Variants in RHPN2 observed in about 807,000 individuals in gnomAD.
The protein encoded by RHPN2 is rhophilin Rho GTPase binding protein 2.
A neutral mutation model predicts 79.0 loss-of-function variants in RHPN2; 40 were observed. The ratio of observed to expected loss-of-function variants is 0.51; its 90% confidence interval spans 0.39 to 0.66. The LOEUF (loss-of-function observed/expected upper bound fraction) is 0.66. Among genes scored for constraint, RHPN2 ranks in the 30% least tolerant of loss-of-function variants. RHPN2 has a pLI of 0.00. For synonymous variants in RHPN2, 285 were observed against 363.5 expected (o/e 0.78, Z 2.46); for missense variants, 686 against 883.5 (o/e 0.78, Z 2.83).
rs1393410312 is a variant in RHPN2 at position 32,991,960 on chromosome 19, A to G, written c.1507T>C (p.Ser503Pro). 10 of 1,613,956 alleles carry G rather than the reference A, an allele frequency of 6.2e-6. No homozygotes were observed. The highest frequency in any genetic ancestry group is 1.7e-4 in the Middle Eastern group (1 of 6,056). Residue 503 changes from serine to proline, a missense_variant, in exon 13 of 15, where the codon TCT becomes CCT. Ser to Pro is a moderately conservative substitution (Grantham distance 74). Coordinates refer to ENST00000254260, the MANE Select transcript of RHPN2 (RefSeq NM_033103.5). ...TDFFQKLGPL[S>P]VFSANKRWTP... ...CACCGCTTGTTAGCCGAAAACACAGATAAGGGGCCCTTTGGAAGAGAGCAT... is the reference window on the plus strand; with the variant it reads ...CACCGCTTGTTAGCCGAAAACACAGGTAAGGGGCCCTTTGGAAGAGAGCAT...
At chr19:33,008,450 G>A (rs953013444) in intron 6 of RHPN2, among the ~76,000 whole-genome samples, 1 of 151,346 alleles carries the variant, frequency 6.6e-6, no homozygotes, top group Non-Finnish European at 1.5e-5. Flanking sequence ...GTAGAGATGG[G>A]GTCTATGTTA....
intron 1 of RHPN2, among the ~76,000 whole-genome samples, chr19:33,059,402 A>G (rs7245498): frequency 0.41 from 62,265 of 151,054 alleles, 16,220 homozygotes; most frequent in African/African-American, 0.73. Context: ...AGGTTCAGGC[A>G]ATTCTCCTGC....
chr19:32,996,768 A>C (rs1480488811), intron 10 of RHPN2, among the ~76,000 whole-genome samples: 1 of 151,970 alleles, frequency 6.6e-6, no homozygotes, highest in Non-Finnish European at 1.5e-5. Flanking sequence ...GGCCCGAGAG[A>C]ATTTCGAGCG....
chr19:33,049,965 T>C (rs370301617), intron 1 of RHPN2, among the ~76,000 whole-genome samples: 1 of 152,084 alleles, frequency 6.6e-6, no homozygotes, highest in African/African-American at 2.4e-5. Flanking sequence ...CCACATCTTT[T>C]GGGGGAACAG....
chr19:33,008,702 G>A (rs1971813383), intron 6 of RHPN2, among the ~76,000 whole-genome samples: 2 of 152,170 alleles, frequency 1.3e-5, no homozygotes, highest in East Asian at 1.9e-4. Flanking sequence ...CCCGAGAGGC[G>A]GAGGTTGCAG....
At chr19:33,000,734 C>T (rs1327704394) in intron 9 of RHPN2, among the ~76,000 whole-genome samples, 2 of 152,120 alleles carry the variant, frequency 1.3e-5, no homozygotes, top group African/African-American at 4.8e-5. Context: ...CAGCACCCTC[C>T]GCCTCTGTTC....
At chr19:33,056,884 C>CA (rs1333500888) in intron 1 of RHPN2, among the ~76,000 whole-genome samples, 2 of 146,532 alleles carry the variant, frequency 1.4e-5, no homozygotes, top group Non-Finnish European at 3.0e-5. Flanking sequence ...CCGAGGCGGG[C>CA]AGATCACAAG....
At chr19:32,981,417 A>AGGGGGGGG (rs71176176) in intron 14 of RHPN2, among the ~76,000 whole-genome samples, 1 of 42,380 alleles carries the variant, frequency 2.4e-5, no homozygotes, top group Non-Finnish European at 4.0e-5. Flanking sequence ...ATAAAAAAAA[A>AGGGGGGGG]GGGGGGGGGC....
intron 2 of RHPN2, among the ~76,000 whole-genome samples, chr19:33,042,697 C>T (rs1025699702): frequency 6.6e-6 from 1 of 151,686 alleles, no homozygotes; most frequent in African/African-American, 2.4e-5. Context: ...TCTGGGAGAC[C>T]AAGGCAGGAG....
intron 2 of RHPN2, among the ~76,000 whole-genome samples, chr19:33,031,261 T>TTCTATTCTATTCTAC (rs1568321038): frequency 1.5e-5 from 2 of 131,960 alleles, no homozygotes; most frequent in African/African-American, 5.5e-5. Context: ...TTCTACTCTA[T>TTCTATTCTATTCTAC]TCTATTCTAT....
intron 1 of RHPN2, among the ~76,000 whole-genome samples, chr19:33,056,116 C>CTTT (rs748275930): frequency 7.4e-6 from 1 of 134,362 alleles, no homozygotes; most frequent in Non-Finnish European, 1.6e-5. Flanking sequence ...TTCTTTTTTC[C>CTTT]TTTTTTTTTT....
At chr19:33,029,527 G>GAAAAAA (rs374028038) in intron 2 of RHPN2, among the ~76,000 whole-genome samples, 2 of 81,558 alleles carry the variant, frequency 2.5e-5, no homozygotes, top group Non-Finnish European at 5.4e-5. Flanking sequence ...CTCTATCTCA[G>GAAAAAA]AAAAAAAAAA....
chr19:32,999,085 G>C (rs1971727689), intron 10 of RHPN2, among the ~76,000 whole-genome samples: 1 of 151,948 alleles, frequency 6.6e-6, no homozygotes, highest in Non-Finnish European at 1.5e-5. Flanking sequence ...AGCACCTAGA[G>C]GGGTGGGAGT....
At chr19:33,009,377 A>C (rs1244657065) in intron 6 of RHPN2, among the ~76,000 whole-genome samples, 2 of 152,150 alleles carry the variant, frequency 1.3e-5, no homozygotes, top group African/African-American at 4.8e-5. Flanking sequence ...GGCTTCTCCT[A>C]AATGAAATAT....
intron 2 of RHPN2, among the ~76,000 whole-genome samples, chr19:33,036,558 C>G (rs1371209669): frequency 6.6e-6 from 1 of 152,170 alleles, no homozygotes; most frequent in African/African-American, 2.4e-5. Flanking sequence ...AGCCCTTCAG[C>G]CCGCCGCTGC....
In RHPN2 at chr19:32,999,583, C is replaced by T; in HGVS notation, c.1225+3G>A. ...CCACATCTGGGTGCAGGGGGACACG[C>T]ACCCAGCTGTCGGCGCTGCTGATCA... On this transcript the variant is annotated splice_donor_region_variant and intron_variant, in intron 10 of 14. Transcript: ENST00000254260. 6.2e-7 allele frequency: 1 copy of T among 1,610,680 alleles called. No homozygotes were observed. Among genetic ancestry groups the T allele is most frequent in the Non-Finnish European group, 8.5e-7 (1 of 1,177,990 alleles).
At chr19:33,035,488 T>C (rs1235493103) in intron 2 of RHPN2, among the ~76,000 whole-genome samples, 4 of 152,346 alleles carry the variant, frequency 2.6e-5, no homozygotes, top group Admixed American at 6.5e-5. Context: ...TTTGAAACTG[T>C]TGGCAGCCAG....
intron 10 of RHPN2, among the ~76,000 whole-genome samples, 190 bp downstream of exon 10, chr19:32,999,396 G>A (rs1568312152): frequency 6.6e-6 from 1 of 152,126 alleles, no homozygotes; most frequent in Non-Finnish European, 1.5e-5. Context: ...TGGAACCCAT[G>A]AGAACACAGC....
rs565280928 is a variant in RHPN2 at position 32,998,687 on chromosome 19, C to T, written c.1225+899G>A. On this transcript the variant is annotated intron_variant, in intron 10 of 14. Transcript: ENST00000254260. ...AAAGGAAAGAGGAAAGGAGGGAGGA[C>T]GGGTAGATGGGGAGGAGAGAGAGAG... 1.7e-3 allele frequency among the ~76,000 whole-genome samples: 147 copies of T among 86,826 alleles called. 1 individual carries two copies. Among genetic ancestry groups the T allele is most frequent in the African/African-American group, 7.4e-3 (133 of 17,886 alleles). The allele number at this position is 86,826 out of a possible 152,430, so 57.0% of individuals were successfully genotyped here.
Sources: gnomAD v4.1 joint callset for allele counts (sites outside exome capture counted in the v4.1 genomes callset) on GRCh38, gnomAD v4.1.1 for gene constraint, MANE v1.5 for transcripts, NCBI Gene and HGNC (gene_info 2026-07-23, HGNC 2026-07-21) for gene names.